ARHGAP20: variants seen among roughly 807,000 people sequenced by gnomAD.
The protein encoded by ARHGAP20 is rho GTPase-activating protein 20.
A neutral mutation model predicts 73.7 loss-of-function variants in ARHGAP20; 34 were observed. The observed-to-expected ratio is 0.46, with a 90% CI of 0.35 to 0.61. The LOEUF is 0.61. Ranked by LOEUF, ARHGAP20 falls within the 20% of genes least tolerant of loss-of-function variation. The pLI is 0.00. For missense variants in ARHGAP20, 1,314 were observed against 1,420.9 expected (o/e 0.92, Z 1.21); for synonymous variants, 523 against 518.2 (o/e 1.01, Z -0.13).
At chr11:110,594,358 C>T (rs1383845601) in intron 9 of ARHGAP20, among the ~76,000 whole-genome samples, 2 of 152,174 alleles carry the variant, frequency 1.3e-5, no homozygotes, top group Non-Finnish European at 2.9e-5. Flanking sequence ...CTTTCCTCAA[C>T]CTTAAAATGT....
chr11:110,618,493 T>A (rs954216627), intron 4 of ARHGAP20, among the ~76,000 whole-genome samples: 13 of 152,264 alleles, frequency 8.5e-5, no homozygotes, highest in African/African-American at 3.1e-4. Context: ...TTTCATACCG[T>A]TATTTGTGAA....
At chr11:110,611,496 G>A in intron 6 of ARHGAP20, 110 bp from the exon 7 acceptor site, 3 of 543,690 alleles carry the variant, frequency 5.5e-6, no homozygotes, top group Admixed American at 4.1e-5. Flanking sequence ...TTTCAAATGT[G>A]GACAAAGTCA....
chr11:110,638,134 G>C (rs1347212187), intron 2 of ARHGAP20, among the ~76,000 whole-genome samples: 17 of 151,886 alleles, frequency 1.1e-4, no homozygotes, highest in Non-Finnish European at 5.9e-5. Flanking sequence ...TAAAATTTTT[G>C]AGCACCACTA....
intron 1 of ARHGAP20, among the ~76,000 whole-genome samples, chr11:110,692,202 A>G (rs1950256265): frequency 6.6e-6 from 1 of 152,118 alleles, no homozygotes; most frequent in Non-Finnish European, 1.5e-5. Context: ...CAGAGGTTAC[A>G]AGGAGAAAGG....
chr11:110,652,874 A>G (rs1489195608), intron 2 of ARHGAP20, among the ~76,000 whole-genome samples: 1 of 152,210 alleles, frequency 6.6e-6, no homozygotes, highest in Non-Finnish European at 1.5e-5. Context: ...AAACAGATAC[A>G]TAGATCAATG....
At chr11:110,675,746 C>T (rs550159288) in intron 2 of ARHGAP20, among the ~76,000 whole-genome samples, 11 of 152,246 alleles carry the variant, frequency 7.2e-5, no homozygotes, top group African/African-American at 2.6e-4. Context: ...GACTGGGGAT[C>T]CCTGTGCTAG....
At chr11:110,618,326 A>C (rs752461362) in intron 4 of ARHGAP20, among the ~76,000 whole-genome samples, 121 of 152,362 alleles carry the variant, frequency 7.9e-4, no homozygotes, top group Non-Finnish European at 1.2e-3. Context: ...TGGGGGTTTA[A>C]GATGAGTTTT....
chr11:110,612,266 A>T (rs1023135750), intron 6 of ARHGAP20, among the ~76,000 whole-genome samples: 1 of 151,324 alleles, frequency 6.6e-6, no homozygotes, highest in South Asian at 2.1e-4. Context: ...AAAAAAAAAA[A>T]TACAAAAAAA....
chr11:110,669,472 GA>G (rs887424291), intron 2 of ARHGAP20, among the ~76,000 whole-genome samples: 19 of 146,660 alleles, frequency 1.3e-4, no homozygotes, highest in East Asian at 7.9e-4. Context: ...TCAACAGTAA[GA>G]AAAAAAAAAC....
At chr11:110,676,792 T>C (rs1949940283) in intron 2 of ARHGAP20, among the ~76,000 whole-genome samples, 1 of 151,968 alleles carries the variant, frequency 6.6e-6, no homozygotes, top group African/African-American at 2.4e-5. Context: ...ACCAAAATTA[T>C]AGAGACTTAA....
intron 2 of ARHGAP20, among the ~76,000 whole-genome samples, chr11:110,665,993 ACG>A (rs1168746641): frequency 6.7e-6 from 1 of 149,944 alleles, no homozygotes; most frequent in Non-Finnish European, 1.5e-5. Flanking sequence ...ACACACACAC[ACG>A]TATATATGCG....
chr11:110,705,155 T>C (rs1950530465), intron 1 of ARHGAP20, among the ~76,000 whole-genome samples: 1 of 152,156 alleles, frequency 6.6e-6, no homozygotes, highest in African/African-American at 2.4e-5. Context: ...AAGCATAACA[T>C]GCCTTTACTT....
At chr11:110,623,681 C>T (rs922833288) in intron 4 of ARHGAP20, among the ~76,000 whole-genome samples, 1 of 152,120 alleles carries the variant, frequency 6.6e-6, no homozygotes, top group Admixed American at 6.5e-5. Flanking sequence ...TTGGACTATA[C>T]AATTTGCTTC....
chr11:110,646,600 T>G (rs1461983869), intron 2 of ARHGAP20, among the ~76,000 whole-genome samples: 1 of 152,172 alleles, frequency 6.6e-6, no homozygotes, highest in African/African-American at 2.4e-5. Flanking sequence ...AATAAAAAGT[T>G]GAATATAAAG....
At chr11:110,679,126 G>A (rs1356893703) in intron 2 of ARHGAP20, among the ~76,000 whole-genome samples, 1 of 152,148 alleles carries the variant, frequency 6.6e-6, no homozygotes, top group Admixed American at 6.6e-5. Context: ...GCTTCCAAGA[G>A]CCTTCATGTG....
At position 110,592,157 on chromosome 11, in the gene ARHGAP20, T is replaced by C; in HGVS notation, c.965-2A>G. On this transcript the variant is annotated splice_acceptor_variant, in intron 9 of 14. Coordinates refer to ENST00000683387, the MANE Select transcript of ARHGAP20 (RefSeq NM_001384657.1). LOFTEE classifies it high-confidence loss of function. Reference sequence around the variant, plus strand: ...TTTTAAATGTCTTATGACCTGAATCTAAGGAAGAAGTGAGCTTATTAGAAA... The same window carrying C: ...TTTTAAATGTCTTATGACCTGAATCCAAGGAAGAAGTGAGCTTATTAGAAA... 1 of 1,610,080 alleles carries C rather than the reference T, an allele frequency of 6.2e-7. No homozygotes were observed. Among genetic ancestry groups the C allele is most frequent in the Non-Finnish European group, 8.5e-7 (1 of 1,177,486 alleles).
intron 9 of ARHGAP20, among the ~76,000 whole-genome samples, chr11:110,598,762 G>A (rs764623390): frequency 3.3e-4 from 50 of 152,094 alleles, no homozygotes; most frequent in African/African-American, 1.2e-3. Context: ...GCAGGGGCTG[G>A]GGACAAGCAG....
intron 13 of ARHGAP20, 32 bp downstream of exon 13, chr11:110,583,516 T>C: frequency 6.6e-7 from 1 of 1,526,138 alleles, no homozygotes; most frequent in Non-Finnish European, 8.9e-7. Flanking sequence ...GGACTCAGTC[T>C]CCCAGGGCAT....
chr11:110,586,401 T>C, intron 11 of ARHGAP20, 76 bp from the exon 12 acceptor site: 1 of 954,458 alleles, frequency 1.0e-6, no homozygotes, highest in Non-Finnish European at 1.5e-6. Context: ...GTAGAAGACA[T>C]TTTGTTGAAA....
Sources: allele counts gnomAD v4.1 joint callset (sites outside exome capture counted in the v4.1 genomes callset), GRCh38; gene constraint gnomAD v4.1.1; transcripts MANE v1.5; gene names NCBI Gene and HGNC (gene_info 2026-07-23, HGNC 2026-07-21).